The following FMNL3 variants were observed in gnomAD, a reference collection of about 807,000 sequenced individuals.
FMNL3 encodes the protein formin like 3, also known as formin-like protein 3.
FMNL3 carries 57 observed loss-of-function variants against 119.6 expected under a neutral mutation model. The ratio of observed to expected loss-of-function variants is 0.48; its 90% CI spans 0.39 to 0.59. The LOEUF (loss-of-function observed/expected upper bound fraction) is 0.59, where lower values mean the gene tolerates loss of function less well. Ranked by LOEUF, FMNL3 falls within the 20% of genes least tolerant of loss-of-function variation. The pLI is 0.00. For missense variants in FMNL3, 1,053 were observed against 1,323.5 expected (o/e 0.80, Z 3.17); for synonymous variants, 491 against 507.3 (o/e 0.97, Z 0.43).
rs886446302 is a variant in FMNL3 at position 49,644,389 on chromosome 12, C to T, written c.*1426G>A. ...GGGTCCCCTACTCCCTGGACTAGTG[C>T]AGTCCTTGCCCTCAGCCCCAGACCA... On this transcript the variant is annotated 3_prime_UTR_variant, in exon 26 of 26. Transcript: ENST00000335154. The T allele has an allele frequency of 1.3e-5, 8 of 620,758 alleles. No individual in the cohort carries two copies. The highest frequency in any genetic ancestry group is 3.7e-5 in the South Asian group (2 of 53,398). 38.5% of individuals were successfully genotyped at this position (620,758 alleles called of 1,614,324 possible).
intron 1 of FMNL3, among the ~76,000 whole-genome samples, chr12:49,682,092 A>G (rs1944350341): frequency 1.4e-5 from 2 of 145,274 alleles, no homozygotes; most frequent in South Asian, 2.2e-4. Flanking sequence ...TTTTTTTGAG[A>G]CAGAGTCTCA....
At chr12:49,648,129 G>A (rs948660007) in intron 22 of FMNL3, 64 bp downstream of exon 22, 7 of 1,522,280 alleles carry the variant, frequency 4.6e-6, no homozygotes, top group Middle Eastern at 2.2e-4. Flanking sequence ...ATAGAACTAG[G>A]GCCACCTAGA....
chr12:49,648,161 G>A (rs1943270354), intron 22 of FMNL3, 32 bp downstream of exon 22: 1 of 1,598,038 alleles, frequency 6.3e-7, no homozygotes, highest in African/African-American at 1.3e-5. Context: ...CCTTGGCCCT[G>A]GTTGCTCCCA....
rs548379555 is a variant in FMNL3, at chr12:49,644,873, G to A, written c.*942C>T. 1 of 153,000 alleles carries A rather than the reference G, an allele frequency of 6.5e-6. No individual in the cohort carries two copies. Among genetic ancestry groups the A allele is most frequent in the Non-Finnish European group, 1.5e-5 (1 of 68,564 alleles). 9.5% of individuals were successfully genotyped at this position (153,000 alleles called of 1,614,324 possible). A position where few individuals can be genotyped will look rare whatever the true frequency, so the allele number is the denominator to read the frequency against. On this transcript the variant is annotated 3_prime_UTR_variant, in exon 26 of 26. Coordinates refer to ENST00000335154, the MANE Select transcript of FMNL3 (RefSeq NM_175736.5). ...ATTTCTTTTCTATCCCCATAGCCCAGGTCAGACTAAATGGCCACCCTAGCC... is the reference window on the plus strand; with the variant it reads ...ATTTCTTTTCTATCCCCATAGCCCAAGTCAGACTAAATGGCCACCCTAGCC...
At position 49,642,284 on chromosome 12, in the gene FMNL3, C is replaced by T; in HGVS notation, c.*3531G>A. On this transcript the variant is annotated 3_prime_UTR_variant, in exon 26 of 26. Coordinates refer to ENST00000335154, the MANE Select transcript of FMNL3 (RefSeq NM_175736.5). This position sits in a 1 kb window ranked among gnomAD's most constrained non-coding sequence, Gnocchi z 5.8. ...GAGAGGGAGCGGGAGAAGGAGGAGG[C>T]ACGCAGGATGCGGCGCAGGGAAGCT... The T allele has an allele frequency of 6.2e-7, 1 of 1,614,226 alleles. No individual in the cohort carries two copies. Among genetic ancestry groups the T allele is most frequent in the Non-Finnish European group, 8.5e-7 (1 of 1,180,046 alleles).
rs1943775604 is a variant in FMNL3 at position 49,662,877 on chromosome 12, T to C, written c.369-828A>G. 2.6e-5 allele frequency among the ~76,000 whole-genome samples: 4 copies of C among 152,350 alleles called. No individual in the cohort carries two copies. In the South Asian group the frequency reaches 8.3e-4, roughly 32 times the overall value. Reference sequence around the variant, plus strand: ...ACTGTTATATGACAGGTTCATTCCATAGCAGAAACATAAAACGCTCAGGAT... The same window carrying C: ...ACTGTTATATGACAGGTTCATTCCACAGCAGAAACATAAAACGCTCAGGAT... On this transcript the variant is annotated intron_variant, in intron 4 of 25. Transcript: ENST00000335154.
At chr12:49,706,335 T>C (rs1945046705) in intron 1 of FMNL3, among the ~76,000 whole-genome samples, 1 of 152,154 alleles carries the variant, frequency 6.6e-6, no homozygotes, top group Non-Finnish European at 1.5e-5. Flanking sequence ...AACCAGTCAC[T>C]ATGGCTTAAC....
chr12:49,658,268 G>A (rs1465951426), intron 6 of FMNL3, among the ~76,000 whole-genome samples, 174 bp downstream of exon 6: 2 of 152,164 alleles, frequency 1.3e-5, no homozygotes, highest in Non-Finnish European at 2.9e-5. Flanking sequence ...AGACCGCTGG[G>A]CAGAGTCAAG....
chr12:49,706,928 A>T, intron 1 of FMNL3, 127 bp downstream of exon 1: 1 of 1,116,034 alleles, frequency 9.0e-7, no homozygotes, highest in Non-Finnish European at 1.2e-6. Context: ...AAGACACTGG[A>T]GGCCGGGATC....
intron 1 of FMNL3, among the ~76,000 whole-genome samples, chr12:49,699,041 TC>T (rs2139044352): frequency 6.6e-6 from 1 of 152,332 alleles, no homozygotes; most frequent in African/African-American, 2.4e-5. Context: ...TAAAGTCATT[TC>T]CGAACCGCGA....
chr12:49,669,700 C>A (rs575203162), intron 1 of FMNL3, among the ~76,000 whole-genome samples: 1 of 152,102 alleles, frequency 6.6e-6, no homozygotes, highest in African/African-American at 2.4e-5. Context: ...GGTGCAGTAG[C>A]GCACACCTGT....
At position 49,649,555 on chromosome 12, in the gene FMNL3, A is replaced by G. The variant is rs1348929050; in HGVS notation, c.2236-17T>C. 1 of 1,614,092 alleles carries G rather than the reference A, an allele frequency of 6.2e-7. No homozygotes were observed. Among genetic ancestry groups the G allele is most frequent in the Admixed American group, 1.7e-5 (1 of 60,022 alleles). ...ATTGAGTTGCTGTAGGACAATATGA[A>G]CACTGAAGTAACCCCAGGCTGAGAT... is the stretch of plus-strand genomic sequence containing the variant. On this transcript the variant is annotated splice_polypyrimidine_tract_variant and intron_variant, in intron 18 of 25. Transcript: ENST00000335154. The surrounding 1 kb of genome is among the most constrained non-coding windows in gnomAD (Gnocchi z 5.6).
At chr12:49,665,168 G>T (rs1943854769) in intron 4 of FMNL3, among the ~76,000 whole-genome samples, 1 of 150,658 alleles carries the variant, frequency 6.6e-6, no homozygotes, top group Non-Finnish European at 1.5e-5. Flanking sequence ...CTCTTTCACT[G>T]TACCTTACAC....
intron 21 of FMNL3, 31 bp downstream of exon 21, chr12:49,648,998 G>A: frequency 7.7e-6 from 12 of 1,561,668 alleles, no homozygotes; most frequent in African/African-American, 1.4e-5. Flanking sequence ...CTGGATGTGA[G>A]GGCAGGCCCA....
chr12:49,642,542 G>C lies in FMNL3; in HGVS notation c.*3273C>G. 1.2e-6 allele frequency: 2 copies of C among 1,608,446 alleles called. No individual in the cohort carries two copies. The highest frequency in any genetic ancestry group is 1.7e-4 in the Middle Eastern group (1 of 6,054). ...TGGCGGTGTCCAGGCCAGGCTGAGT[G>C]GGGCCTAGTCTGATCAGCAGTGCTC... On this transcript the variant is annotated 3_prime_UTR_variant, in exon 26 of 26. Transcript: ENST00000335154. The surrounding 1 kb of genome is among the most constrained non-coding windows in gnomAD (Gnocchi z 5.8).
rs1310297795 is a variant in FMNL3, at chr12:49,636,893, A to G, written c.*8922T>C. ...CTAGATCAGAGCTCAGCTCTGCCCT[A>G]GAGCACAACCTCTTCACCCATTCCC... On this transcript the variant is annotated 3_prime_UTR_variant, in exon 26 of 26. Transcript: ENST00000335154. 1.2e-6 allele frequency: 2 copies of G among 1,611,370 alleles called. No homozygotes were observed. Among genetic ancestry groups the G allele is most frequent in the African/African-American group, 1.3e-5 (1 of 74,864 alleles).
intron 1 of FMNL3, among the ~76,000 whole-genome samples, chr12:49,682,191 C>T (rs1398665195): frequency 1.3e-5 from 2 of 151,998 alleles, no homozygotes; most frequent in Admixed American, 1.3e-4. Flanking sequence ...CTGCCTCAGC[C>T]TCCCAAGTAG....
chr12:49,654,817 A>G, intron 10 of FMNL3, 93 bp downstream of exon 10: 1 of 1,178,478 alleles, frequency 8.5e-7, no homozygotes, highest in East Asian at 2.4e-5. Flanking sequence ...TCTACGTGGA[A>G]TATCAAGATA....
intron 5 of FMNL3, chr12:49,659,672 C>A (rs1382419528): frequency 1.3e-6 from 1 of 752,450 alleles, no homozygotes; most frequent in Non-Finnish European, 1.6e-6. Context: ...TCTTGGCCTC[C>A]CAAAGCTCTG....
Sources: gnomAD v4.1 joint callset for allele counts (sites outside exome capture counted in the v4.1 genomes callset) on GRCh38, gnomAD v4.1.1 for gene constraint, Gnocchi (gnomAD v3.1) non-coding constraint, MANE v1.5 for transcripts, NCBI Gene and HGNC (gene_info 2026-07-23, HGNC 2026-07-21) for gene names.